The following COLEC12 variants were observed in gnomAD, a reference collection of about 807,000 sequenced individuals.
The protein encoded by COLEC12 is collectin subfamily member 12.
In COLEC12, 33 loss-of-function variants were observed where a neutral mutation model predicts 71.1. That is an observed-to-expected ratio of 0.46 (90% CI 0.35 to 0.62). The LOEUF (loss-of-function observed/expected upper bound fraction) is 0.62. Among genes scored for constraint, COLEC12 ranks in the 20% least tolerant of loss-of-function variants. COLEC12 has a pLI of 0.00. For missense variants in COLEC12, 765 were observed against 916.1 expected (o/e 0.84, Z 2.13); for synonymous variants, 350 against 353.0 (o/e 0.99, Z 0.10).
intron 2 of COLEC12, among the ~76,000 whole-genome samples, chr18:468,239 G>A (rs1391242216): frequency 6.8e-6 from 1 of 146,472 alleles, no homozygotes; most frequent in East Asian, 2.0e-4. Context: ...TCCAGCCTGG[G>A]CGACAGAGTG....
chr18:481,203 C>T (rs1917408756), intron 1 of COLEC12, among the ~76,000 whole-genome samples: 1 of 152,152 alleles, frequency 6.6e-6, no homozygotes, highest in Non-Finnish European at 1.5e-5. Flanking sequence ...CACCCTAAAG[C>T]CCCTGTTTTT....
At chr18:375,898 T>C (rs139666424) in intron 2 of COLEC12, among the ~76,000 whole-genome samples, 7 of 152,346 alleles carry the variant, frequency 4.6e-5, no homozygotes, top group African/African-American at 1.7e-4. Flanking sequence ...ACAGGGTCTA[T>C]ACTAAGAACT....
chr18:338,289 G>A (rs573216947), intron 5 of COLEC12, among the ~76,000 whole-genome samples: 30 of 152,278 alleles, frequency 2.0e-4, no homozygotes, highest in Non-Finnish European at 3.5e-4. Flanking sequence ...CCCCTTGTAG[G>A]GTCTGGCTCA....
chr18:451,891 T>C (rs530543021), intron 2 of COLEC12, among the ~76,000 whole-genome samples: 2 of 152,140 alleles, frequency 1.3e-5, no homozygotes, highest in Non-Finnish European at 2.9e-5. Flanking sequence ...CCTACAGAAA[T>C]TCACGTAAGT....
chr18:430,597 G>C (rs1030576701), intron 2 of COLEC12, among the ~76,000 whole-genome samples: 9 of 152,134 alleles, frequency 5.9e-5, no homozygotes, highest in Non-Finnish European at 1.3e-4. Flanking sequence ...AATGGGCTAA[G>C]CTAAATTTAT....
At chr18:423,838 G>C (rs1431338722) in intron 2 of COLEC12, 1 of 152,058 alleles carries the variant, frequency 6.6e-6, no homozygotes, top group African/African-American at 2.4e-5. Context: ...GTTCAGAGGA[G>C]GTGTAAGAAG....
At chr18:441,777 G>A (rs1010266635) in intron 2 of COLEC12, among the ~76,000 whole-genome samples, 3 of 151,928 alleles carry the variant, frequency 2.0e-5, no homozygotes, top group Admixed American at 6.6e-5. Flanking sequence ...CGGGCAGATC[G>A]CTTGAGCTCA....
intron 2 of COLEC12, among the ~76,000 whole-genome samples, chr18:360,855 A>C (rs1914729356): frequency 6.6e-6 from 1 of 151,992 alleles, no homozygotes; most frequent in African/African-American, 2.4e-5. Context: ...TAATTTTTCC[A>C]TTTTTCCCCT....
Position 357,484 on chromosome 18 carries a change from T to A in COLEC12, c.97A>T (p.Asn33Tyr). ...ATGATAGAAAACTTCAGTGCCCAGT[T>A]ATTTTTACATTTGGTACATTGTGTT... ...EGTQCTKCKN[N>Y]WALKFSIILL... The change falls in exon 3 of 10, where the codon AAC (asparagine) becomes TAC (tyrosine). Residue 33 changes from asparagine (N) to tyrosine (Y), a missense_variant. Physicochemically the swap from Asn to Tyr is moderately radical, Grantham distance 143. Transcript: ENST00000400256. 1 of 1,592,882 alleles carries A rather than the reference T, an allele frequency of 6.3e-7. No individual in the cohort carries two copies. Among genetic ancestry groups the A allele is most frequent in the Non-Finnish European group, 8.6e-7 (1 of 1,168,564 alleles).
At chr18:324,091 A>G (rs1165719673) in intron 8 of COLEC12, among the ~76,000 whole-genome samples, 1 of 152,182 alleles carries the variant, frequency 6.6e-6, no homozygotes, top group Non-Finnish European at 1.5e-5. Context: ...GAAAGTGGGT[A>G]GCCTGAAGCC....
chr18:469,167 T>G (rs559358879), intron 2 of COLEC12, among the ~76,000 whole-genome samples: 5 of 151,962 alleles, frequency 3.3e-5, no homozygotes, highest in Admixed American at 6.6e-5. Flanking sequence ...CGGAAAGAGG[T>G]GGGGGCAGAG....
At chr18:368,623 G>C (rs544881198) in intron 2 of COLEC12, among the ~76,000 whole-genome samples, 1 of 152,062 alleles carries the variant, frequency 6.6e-6, no homozygotes, top group South Asian at 2.1e-4. Context: ...CCAGAACTTT[G>C]GGAGGCCAAG....
At position 319,341 on chromosome 18, in the gene COLEC12, A is replaced by ATATAT. The variant is rs61291034; in HGVS notation, c.*703_*704insATATA. On this transcript the variant is annotated 3_prime_UTR_variant, in exon 10 of 10. Transcript: ENST00000400256. ...AACATTAAAAAAAAAAAAAAAAAAA[A>ATATAT]ATATATATATATATATATATATACA... is the stretch of plus-strand genomic sequence containing the variant. 2.4e-4 allele frequency: 16 copies of ATATAT among 67,152 alleles called. No homozygotes were observed. The East Asian group carries it at 5.4e-3, about 22-fold the overall frequency. The allele number at this position is 67,152 out of a possible 1,614,324, so 4.2% of individuals were successfully genotyped here. A position where few individuals can be genotyped will look rare whatever the true frequency, so the allele number is the denominator to read the frequency against.
At chr18:485,824 C>T (rs573140354) in intron 1 of COLEC12, among the ~76,000 whole-genome samples, 2 of 152,254 alleles carry the variant, frequency 1.3e-5, no homozygotes, top group East Asian at 1.9e-4. Flanking sequence ...ACCTCTCATT[C>T]TTGTATGCTC....
At chr18:467,493 T>C (rs1057065563) in intron 2 of COLEC12, among the ~76,000 whole-genome samples, 1 of 152,232 alleles carries the variant, frequency 6.6e-6, no homozygotes, top group African/African-American at 2.4e-5. Flanking sequence ...TTTATGTTTT[T>C]TGTCCAATAT....
chr18:323,584 G>T (rs907539488), intron 8 of COLEC12, among the ~76,000 whole-genome samples: 4 of 152,334 alleles, frequency 2.6e-5, no homozygotes, highest in Admixed American at 6.5e-5. Context: ...TTCACATTTG[G>T]TTTTTTGTGT....
chr18:377,625 G>A (rs1326397187), intron 2 of COLEC12, among the ~76,000 whole-genome samples: 7 of 152,232 alleles, frequency 4.6e-5, no homozygotes, highest in Admixed American at 3.3e-4. Context: ...GGAGAAGTGC[G>A]CTGGGCTGGG....
intron 2 of COLEC12, among the ~76,000 whole-genome samples, chr18:361,773 C>T (rs1327198591): frequency 1.3e-5 from 2 of 152,146 alleles, no homozygotes; most frequent in Non-Finnish European, 2.9e-5. Context: ...CACAGAAGGG[C>T]GACAGACACG....
At chr18:352,898 A>AT in intron 3 of COLEC12, among the ~76,000 whole-genome samples, 1 of 152,348 alleles carries the variant, frequency 6.6e-6, no homozygotes, top group South Asian at 2.1e-4. Flanking sequence ...AATGAGCAGG[A>AT]TACACAGAAG....
Sources: gnomAD v4.1 joint callset for allele counts (sites outside exome capture counted in the v4.1 genomes callset) on GRCh38, gnomAD v4.1.1 for gene constraint, MANE v1.5 for transcripts, NCBI Gene and HGNC (gene_info 2026-07-23, HGNC 2026-07-21) for gene names.